DLGAP5: variants seen among roughly 807,000 people sequenced by gnomAD.
DLGAP5 encodes the protein disks large-associated protein 5.
DLGAP5 carries 90 observed loss-of-function variants against 99.6 expected under a neutral mutation model. The ratio of observed to expected loss-of-function variants is 0.90; its 90% CI spans 0.76 to 1.08. The LOEUF is 1.08. DLGAP5 is among the 50% of genes least tolerant of loss of function. The probability of loss-of-function intolerance (pLI) is 0.00; values close to 1 mark genes in which losing one functional copy is unlikely to be tolerated. For missense variants in DLGAP5, 1,036 were observed against 983.5 expected, an observed-to-expected ratio of 1.05 and a Z score of -0.71; for synonymous variants, 311 against 321.3, an observed-to-expected ratio of 0.97 and a Z score of 0.34.
chr14:55,162,865 A>C, intron 13 of DLGAP5, 106 bp downstream of exon 13: 1 of 513,262 alleles, frequency 1.9e-6, no homozygotes, highest in Non-Finnish European at 3.3e-6. Flanking sequence ...ATGTTTTTAA[A>C]ACTTAAAAAC....
intron 13 of DLGAP5, 73 bp downstream of exon 13, chr14:55,162,898 A>C: frequency 1.7e-6 from 1 of 603,862 alleles, no homozygotes; most frequent in South Asian, 3.2e-5. Flanking sequence ...AATCTATATT[A>C]GAAATTTGGA....
intron 2 of DLGAP5, among the ~76,000 whole-genome samples, chr14:55,184,948 A>G (rs1883384503): frequency 6.6e-6 from 1 of 152,192 alleles, no homozygotes; most frequent in South Asian, 2.1e-4. Flanking sequence ...GTTTTGGGAT[A>G]ACTAATACAA....
chr14:55,164,372 A>T (rs1157032516), intron 12 of DLGAP5, among the ~76,000 whole-genome samples: 1 of 152,196 alleles, frequency 6.6e-6, no homozygotes, highest in East Asian at 1.9e-4. Flanking sequence ...ATTTTCAACA[A>T]AGGTGCCAAT....
chr14:55,156,364 T>C (rs1882217606), intron 14 of DLGAP5, among the ~76,000 whole-genome samples: 2 of 152,164 alleles, frequency 1.3e-5, no homozygotes, highest in Non-Finnish European at 2.9e-5. Flanking sequence ...GGGTACTACA[T>C]GGAAAATAAG....
chr14:55,183,243 T>C (rs1200258970), intron 3 of DLGAP5, among the ~76,000 whole-genome samples: 2 of 152,222 alleles, frequency 1.3e-5, no homozygotes, highest in Admixed American at 6.5e-5. Context: ...TTTTCCTGAA[T>C]TATTAATTTG....
At chr14:55,173,232 C>T (rs545506341) in intron 10 of DLGAP5, among the ~76,000 whole-genome samples, 20 of 140,020 alleles carry the variant, frequency 1.4e-4, no homozygotes, top group African/African-American at 3.9e-4. Context: ...CCTGTGAGTT[C>T]GAGACCAGCT....
intron 12 of DLGAP5, among the ~76,000 whole-genome samples, chr14:55,163,637 T>C (rs1360648735): frequency 1.3e-5 from 2 of 152,222 alleles, no homozygotes; most frequent in South Asian, 4.1e-4. Context: ...TGCATTCCCA[T>C]AGGCAATGAA....
intron 7 of DLGAP5, among the ~76,000 whole-genome samples, chr14:55,177,620 C>T (rs1406675886): frequency 1.3e-5 from 2 of 151,708 alleles, no homozygotes; most frequent in African/African-American, 4.8e-5. Context: ...TCCCTGCAAG[C>T]TCCGCCTCCC....
intron 15 of DLGAP5, among the ~76,000 whole-genome samples, chr14:55,154,077 T>C (rs905954021): frequency 3.3e-5 from 5 of 151,712 alleles, no homozygotes; most frequent in Non-Finnish European, 7.4e-5. Context: ...CAAAAAAATC[T>C]AGAAGCATAT....
At chr14:55,188,336 T>G (rs1205769928) in intron 2 of DLGAP5, among the ~76,000 whole-genome samples, 1 of 152,202 alleles carries the variant, frequency 6.6e-6, no homozygotes, top group Non-Finnish European at 1.5e-5. Context: ...CTTCTTTAGT[T>G]GGTTCTTTCC....
intron 8 of DLGAP5, among the ~76,000 whole-genome samples, chr14:55,176,360 C>A (rs2140323557): frequency 6.6e-6 from 1 of 152,192 alleles, no homozygotes; most frequent in East Asian, 1.9e-4. Flanking sequence ...CTGATTTTTC[C>A]CTTGTTTTGC....
intron 15 of DLGAP5, 141 bp from the exon 16 acceptor site, chr14:55,152,788 CA>C (rs1237797253): frequency 3.2e-6 from 2 of 620,804 alleles, no homozygotes; most frequent in Non-Finnish European, 5.1e-6. Context: ...AGGCGTGATC[CA>C]GATAGATTAG....
At chr14:55,166,821 T>C (rs1419514233) in intron 12 of DLGAP5, among the ~76,000 whole-genome samples, 2 of 151,816 alleles carry the variant, frequency 1.3e-5, no homozygotes, top group Non-Finnish European at 2.9e-5. Context: ...GAACTGTACA[T>C]TTCAAATGAA....
At chr14:55,170,667 A>C in intron 11 of DLGAP5, 35 bp downstream of exon 11, 1 of 1,546,368 alleles carries the variant, frequency 6.5e-7, no homozygotes, top group African/African-American at 1.4e-5. Context: ...TAGTAAAAGA[A>C]ACAAAGCAAA....
chr14:55,166,860 CAT>C (rs1882661125), intron 12 of DLGAP5, among the ~76,000 whole-genome samples: 1 of 150,952 alleles, frequency 6.6e-6, no homozygotes, highest in South Asian at 2.1e-4. Flanking sequence ...AATTATACCT[CAT>C]ATAGCTCTTT....
chr14:55,177,288 T>A lies in DLGAP5; in HGVS notation c.823A>T (p.Thr275Ser), dbSNP rs759735440. The A allele has an allele frequency of 6.2e-7, 1 of 1,609,414 alleles. No individual in the cohort carries two copies. The highest frequency in any genetic ancestry group is 1.7e-5 in the Admixed American group (1 of 58,750). Residue 275 changes from threonine to serine, a missense_variant, in exon 8 of 19, where the codon ACT (threonine) becomes TCT (serine). By Grantham distance (58) the Thr-to-Ser change is moderately conservative. Coordinates refer to ENST00000247191, the MANE Select transcript of DLGAP5 (RefSeq NM_014750.5). The part of the protein sequence containing the change: ...DSEENTLNSQ[T>S]NATSGMNPDG... ...GGATTCATTCCACTTGTTGCATTAG[T>A]TTGTGAATTCAAAGTATTTTCTTCA...
Position 55,180,771 on chromosome 14 carries a change from C to T in DLGAP5, c.588G>A (p.Gln196=). 1.9e-6 allele frequency: 3 copies of T among 1,614,010 alleles called. 1 individual carries two copies. The East Asian group carries it at 6.7e-5, about 36-fold the overall frequency. The part of the protein sequence containing the change: ...KVSDKEKKVV[Q]PVMPTSLRMT... ...TTCTCAACGACGTGGGCATTACAGG[C>T]TGCACAACTGTGGGAAAAAAAAATA... is the stretch of plus-strand genomic sequence containing the variant. The change falls in exon 6 of 19, where the codon CAG becomes CAA. Residue 196 remains glutamine, a synonymous_variant. Coordinates refer to ENST00000247191, the MANE Select transcript of DLGAP5 (RefSeq NM_014750.5).
chr14:55,151,409 T>C (rs1036847241), intron 17 of DLGAP5, among the ~76,000 whole-genome samples: 10 of 152,048 alleles, frequency 6.6e-5, no homozygotes, highest in African/African-American at 2.4e-4. Flanking sequence ...AAAAATTAGC[T>C]AGGCGCGGTG....
At chr14:55,161,448 T>C (rs1882430738) in intron 13 of DLGAP5, among the ~76,000 whole-genome samples, 1 of 148,222 alleles carries the variant, frequency 6.7e-6, no homozygotes, top group African/African-American at 2.5e-5. Flanking sequence ...TTTTGCTCGT[T>C]GCCCAGGCTG....
Sources: allele counts gnomAD v4.1 joint callset (sites outside exome capture counted in the v4.1 genomes callset), GRCh38; gene constraint gnomAD v4.1.1; transcripts MANE v1.5; gene names NCBI Gene and HGNC (gene_info 2026-07-23, HGNC 2026-07-21).